PXDNL: variants seen among roughly 807,000 people sequenced by gnomAD.
The protein encoded by PXDNL is peroxidasin like, also known as probable oxidoreductase PXDNL.
In PXDNL, 145 loss-of-function variants were observed where a neutral mutation model predicts 150.8. The ratio of observed to expected loss-of-function variants is 0.96; its 90% CI spans 0.84 to 1.10. The LOEUF (loss-of-function observed/expected upper bound fraction) is 1.10. PXDNL is among the 50% of genes least tolerant of loss of function. The pLI is 0.00. For synonymous variants in PXDNL, 757 were observed against 725.7 expected, an observed-to-expected ratio of 1.04 and a Z score of -0.69; for missense variants, 2,087 against 1,873.9, an observed-to-expected ratio of 1.11 and a Z score of -2.10.
chr8:51,587,104 C>T (rs57155671), intron 3 of PXDNL, among the ~76,000 whole-genome samples: 3,763 of 152,062 alleles, frequency 0.025, 144 homozygotes, highest in African/African-American at 0.086. Flanking sequence ...TATCAATGCC[C>T]GTAAGTAACA....
At chr8:51,507,845 C>G (rs1811325563) in intron 4 of PXDNL, among the ~76,000 whole-genome samples, 1 of 152,136 alleles carries the variant, frequency 6.6e-6, no homozygotes. Context: ...TGGGCCAGCC[C>G]CACAACATTA....
intron 4 of PXDNL, among the ~76,000 whole-genome samples, chr8:51,508,941 CT>C (rs1811348994): frequency 6.6e-6 from 1 of 152,180 alleles, no homozygotes; most frequent in Non-Finnish European, 1.5e-5. Flanking sequence ...CATCCTACAT[CT>C]AAGTGGTTGG....
intron 4 of PXDNL, among the ~76,000 whole-genome samples, chr8:51,551,783 A>G (rs952007562): frequency 2.4e-4 from 37 of 152,226 alleles, no homozygotes; most frequent in Non-Finnish European, 4.4e-5. Flanking sequence ...TTCATGACCA[A>G]GAACCCAAAA....
chr8:51,721,566 T>G (rs563838213), intron 1 of PXDNL: 1 of 246,330 alleles, frequency 4.1e-6, no homozygotes, highest in African/African-American at 2.3e-5. Context: ...CACACCAACA[T>G]GGCACATGTA....
At chr8:51,404,224 A>G (rs1425605825) in intron 17 of PXDNL, among the ~76,000 whole-genome samples, 4 of 152,228 alleles carry the variant, frequency 2.6e-5, no homozygotes, top group African/African-American at 9.6e-5. Context: ...AAGCTTCCAC[A>G]CTGTCGAAAG....
At chr8:51,343,643 C>G in intron 20 of PXDNL, among the ~76,000 whole-genome samples, 1 of 152,180 alleles carries the variant, frequency 6.6e-6, no homozygotes, top group Non-Finnish European at 1.5e-5. Flanking sequence ...CTGGGTGTGG[C>G]TGTAGAAAAG....
At chr8:51,368,398 G>C (rs1427725559) in intron 19 of PXDNL, among the ~76,000 whole-genome samples, 3 of 152,028 alleles carry the variant, frequency 2.0e-5, no homozygotes, top group Non-Finnish European at 4.4e-5. Context: ...CAGACTCAGA[G>C]TCCATTTCAA....
intron 1 of PXDNL, among the ~76,000 whole-genome samples, chr8:51,784,570 A>G (rs13260452): frequency 6.6e-6 from 1 of 152,228 alleles, no homozygotes; most frequent in Admixed American, 6.5e-5. Flanking sequence ...TCCTCTCATT[A>G]TAGTCAATCT....
intron 5 of PXDNL, among the ~76,000 whole-genome samples, chr8:51,489,989 A>T (rs1448731283): frequency 2.0e-5 from 3 of 152,228 alleles, no homozygotes; most frequent in African/African-American, 7.2e-5. Context: ...CACTAATCCT[A>T]ATGAAAAGCC....
intron 19 of PXDNL, among the ~76,000 whole-genome samples, chr8:51,363,912 G>A (rs1035366410): frequency 7.9e-5 from 12 of 152,248 alleles, no homozygotes; most frequent in African/African-American, 2.9e-4. Context: ...CACTGGACAA[G>A]TTATAAAACA....
intron 17 of PXDNL, among the ~76,000 whole-genome samples, chr8:51,378,862 T>G (rs1249790655): frequency 6.6e-6 from 1 of 152,064 alleles, no homozygotes; most frequent in Non-Finnish European, 1.5e-5. Context: ...TGTTCGAACA[T>G]CAGAAGGAAC....
intron 4 of PXDNL, among the ~76,000 whole-genome samples, chr8:51,551,690 A>G (rs184266559): frequency 6.6e-6 from 1 of 152,220 alleles, no homozygotes; most frequent in African/African-American, 2.4e-5. Context: ...AGGGTCAAAG[A>G]TGTAAATCTA....
chr8:51,726,340 T>C (rs1293536361), intron 1 of PXDNL, among the ~76,000 whole-genome samples: 1 of 152,226 alleles, frequency 6.6e-6, no homozygotes, highest in Non-Finnish European at 1.5e-5. Flanking sequence ...GCTCTCATAC[T>C]TCTGGATCCT....
intron 3 of PXDNL, among the ~76,000 whole-genome samples, chr8:51,563,044 T>C (rs1433095257): frequency 6.6e-6 from 1 of 151,888 alleles, no homozygotes; most frequent in African/African-American, 2.4e-5. Flanking sequence ...GCTCAAGGAC[T>C]ACCTAGACTT....
In PXDNL at chr8:51,607,887, A is replaced by AGGAAGGAAGGAAGGAAGGAG. The variant is rs1430017701; in HGVS notation, c.237-15190_237-15189insCTCCTTCCTTCCTTCCTTCC. 7.9e-4 allele frequency among the ~76,000 whole-genome samples: 95 copies of AGGAAGGAAGGAAGGAAGGAG among 119,596 alleles called. 5 individuals are homozygous for AGGAAGGAAGGAAGGAAGGAG. Among genetic ancestry groups the AGGAAGGAAGGAAGGAAGGAG allele is most frequent in the African/African-American group, 3.3e-3 (92 of 27,770 alleles). The allele number at this position is 119,596 out of a possible 152,430, so 78.5% of individuals were successfully genotyped here. On this transcript the variant is annotated intron_variant, in intron 2 of 22. Coordinates refer to ENST00000356297, the MANE Select transcript of PXDNL (RefSeq NM_144651.5). Reference sequence around the variant, plus strand: ...AAGGAAGGAAGGAAGGAAGGAAGGAAGGAAGGAAGGTGGGGAGGGAGGGAG... The same window carrying AGGAAGGAAGGAAGGAAGGAG: ...AAGGAAGGAAGGAAGGAAGGAAGGAAGGAAGGAAGGAAGGAAGGAGGGAAGGAAGGTGGGGAGGGAGGGAG...
chr8:51,357,761 T>A (rs1056018236), intron 19 of PXDNL, among the ~76,000 whole-genome samples: 2 of 152,222 alleles, frequency 1.3e-5, no homozygotes, highest in Non-Finnish European at 2.9e-5. Context: ...TTTTATTTTT[T>A]TCCTAATGGA....
chr8:51,721,705 T>A (rs546473258), intron 1 of PXDNL: 1 of 465,610 alleles, frequency 2.1e-6, no homozygotes, highest in Non-Finnish European at 4.2e-6. Flanking sequence ...CTCATCAAAA[T>A]TCTCCACAAG....
intron 1 of PXDNL, among the ~76,000 whole-genome samples, chr8:51,694,221 G>T (rs1486246881): frequency 6.6e-6 from 1 of 152,110 alleles, no homozygotes; most frequent in Non-Finnish European, 1.5e-5. Flanking sequence ...ATTAGCTGGG[G>T]GTGGTGGTGT....
intron 20 of PXDNL, 56 bp downstream of exon 20, chr8:51,345,777 G>T: frequency 9.4e-7 from 1 of 1,067,822 alleles, no homozygotes. Context: ...CAAATTGTAG[G>T]TTTGAAGCAA....
Sources: gnomAD v4.1 joint callset for allele counts (sites outside exome capture counted in the v4.1 genomes callset) on GRCh38, gnomAD v4.1.1 for gene constraint, MANE v1.5 for transcripts, NCBI Gene and HGNC (gene_info 2026-07-23, HGNC 2026-07-21) for gene names.